PIAS1: variants seen among roughly 807,000 people sequenced by gnomAD.
The protein encoded by PIAS1 is E3 SUMO-protein ligase PIAS1.
A neutral mutation model predicts 71.3 loss-of-function variants in PIAS1; 6 were observed. The observed-to-expected ratio is 0.08, with a 90% CI of 0.05 to 0.17. The LOEUF is 0.17. Among genes scored for constraint, PIAS1 ranks in the 10% least tolerant of loss-of-function variants. The pLI is 1.00. For missense variants in PIAS1, 555 were observed against 793.6 expected (o/e 0.70, Z 3.61); for synonymous variants, 303 against 292.9 (o/e 1.03, Z -0.35).
chr15:68,121,255 G>GTTTTTTTTTTT (rs1036291171), intron 2 of PIAS1, among the ~76,000 whole-genome samples: 1 of 116,064 alleles, frequency 8.6e-6, no homozygotes. Flanking sequence ...CAGTTGACAT[G>GTTTTTTTTTTT]TTTTTTTGTT....
chr15:68,065,804 G>C (rs949091781), intron 1 of PIAS1, among the ~76,000 whole-genome samples: 2 of 126,988 alleles, frequency 1.6e-5, no homozygotes, highest in African/African-American at 6.1e-5. Context: ...GCAGTGGTAT[G>C]ATCATGGCTC....
intron 2 of PIAS1, among the ~76,000 whole-genome samples, chr15:68,095,508 A>C (rs2092366882): frequency 6.6e-6 from 1 of 151,700 alleles, no homozygotes; most frequent in South Asian, 2.1e-4. Flanking sequence ...GGGTGTTTGG[A>C]AAATAATTTT....
Position 68,142,041 on chromosome 15 carries a change from G to T in PIAS1, c.554+11G>T, listed in dbSNP as rs117588299. On this transcript the variant is annotated intron_variant, in intron 3 of 13. Coordinates refer to ENST00000249636, the MANE Select transcript of PIAS1 (RefSeq NM_016166.3). Reference sequence around the variant, plus strand: ...AATCAGTAGTTCCATGTAAGTTGTCGTCAAGTGTAACTTGAAGTTTGACCT... The same window carrying T: ...AATCAGTAGTTCCATGTAAGTTGTCTTCAAGTGTAACTTGAAGTTTGACCT... 16 of 1,568,340 alleles carry T rather than the reference G, an allele frequency of 1.0e-5. No individual in the cohort carries two copies. Among genetic ancestry groups the T allele is most frequent in the Admixed American group, 7.0e-5 (4 of 56,756 alleles).
rs540569449 is a variant in PIAS1 at position 68,100,937 on chromosome 15, C to T, written c.469+14187C>T. On this transcript the variant is annotated intron_variant, in intron 2 of 13. Coordinates refer to ENST00000249636, the MANE Select transcript of PIAS1 (RefSeq NM_016166.3). ...TTGAGATAAGGTCTCGCTCTGTCAC[C>T]CAGGGTGGAGGGCAGTGGCATGATC... Among the ~76,000 whole-genome samples, 5 of 151,684 alleles carry T rather than the reference C, an allele frequency of 3.3e-5. No individual in the cohort carries two copies. The South Asian group carries it at 1.0e-3, about 31-fold the overall frequency.
intron 7 of PIAS1, among the ~76,000 whole-genome samples, chr15:68,155,765 C>T (rs1049716544): frequency 6.6e-6 from 1 of 151,986 alleles, no homozygotes; most frequent in African/African-American, 2.4e-5. Context: ...TAGAGTTGTC[C>T]CCTCACAACT....
chr15:68,098,606 A>G (rs2092397680), intron 2 of PIAS1, among the ~76,000 whole-genome samples: 3 of 152,224 alleles, frequency 2.0e-5, no homozygotes, highest in Non-Finnish European at 4.4e-5. Flanking sequence ...AGGGTTTGCA[A>G]TGAAAAGGAA....
At chr15:68,056,305 C>T (rs369304551) in intron 1 of PIAS1, among the ~76,000 whole-genome samples, 1 of 152,328 alleles carries the variant, frequency 6.6e-6, no homozygotes, top group South Asian at 2.1e-4. Context: ...AAAGCACATG[C>T]TGAGAGATTT....
intron 7 of PIAS1, among the ~76,000 whole-genome samples, chr15:68,156,016 C>T (rs988594967): frequency 5.3e-5 from 8 of 152,152 alleles, no homozygotes; most frequent in Admixed American, 2.6e-4. Context: ...GCCCAGTCCT[C>T]GCTTTATTTT....
rs754863546 is a variant in PIAS1, at chr15:68,176,602, G to T, written c.1429G>T (p.Ala477Ser). The T allele has an allele frequency of 1.2e-6, 2 of 1,612,540 alleles. No individual in the cohort carries two copies. The highest frequency in any genetic ancestry group is 1.3e-5 in the African/African-American group (1 of 74,834). Residue 477 changes from alanine (A) to serine (S), a missense_variant, in exon 11 of 14, where the codon GCC becomes TCC. Ala to Ser is a moderately conservative substitution (Grantham distance 99). Transcript: ENST00000249636. ...SSDEEEEEPS[A>S]KRTCPSLSPT... ...TGATGAAGAGGAAGAAGAGCCATCT[G>T]CCAAGAGGACCTGTCCTTCCCTATC...
chr15:68,093,968 T>G (rs1412161510), intron 2 of PIAS1, among the ~76,000 whole-genome samples: 1 of 152,174 alleles, frequency 6.6e-6, no homozygotes, highest in Non-Finnish European at 1.5e-5. Context: ...TCTGAAACAT[T>G]GAGAAACACT....
Position 68,175,720 on chromosome 15 carries a change from CA to C in PIAS1, c.1259del (p.Lys420ArgfsTer17). The C allele has an allele frequency of 1.2e-6, 2 of 1,605,844 alleles. No individual in the cohort carries two copies. The highest frequency in any genetic ancestry group is 1.1e-5 in the South Asian group (1 of 89,756). Reference sequence around the variant, plus strand: ...GATGGCACTTGGGCACCGATGAGATCAAAAAAGGAAGTACAGGAAGTTTCTG... The same window carrying C: ...GATGGCACTTGGGCACCGATGAGATCAAAAAGGAAGTACAGGAAGTTTCTG... The part of the protein sequence containing the change: ...KEDGTWAPMR[S>X]KKEVQEVSAS... On this transcript the variant is annotated frameshift_variant, in exon 10 of 14. Transcript: ENST00000249636. LOFTEE classifies it high-confidence loss of function.
chr15:68,057,580 T>C (rs79833223), intron 1 of PIAS1: 6,801 of 389,130 alleles, frequency 0.017, 182 homozygotes, highest in African/African-American at 0.078. Flanking sequence ...ACTATGAGTG[T>C]GTCAGTGAAT....
At chr15:68,164,664 A>G (rs1466787472) in intron 7 of PIAS1, 67 bp from the exon 8 acceptor site, 3 of 807,604 alleles carry the variant, frequency 3.7e-6, no homozygotes, top group Non-Finnish European at 6.2e-6. Context: ...CTTTATAGTA[A>G]TGCTCCAGTA....
At chr15:68,113,095 T>C (rs981788111) in intron 2 of PIAS1, among the ~76,000 whole-genome samples, 8 of 152,202 alleles carry the variant, frequency 5.3e-5, no homozygotes, top group Non-Finnish European at 1.2e-4. Context: ...AAGTTGCCAT[T>C]AAAGATATGT....
chr15:68,078,001 G>C (rs945483207), intron 1 of PIAS1, among the ~76,000 whole-genome samples: 1 of 152,122 alleles, frequency 6.6e-6, no homozygotes, highest in Non-Finnish European at 1.5e-5. Flanking sequence ...CTCAGATAGG[G>C]TATACTGTTC....
chr15:68,127,963 C>T (rs1352639453), intron 2 of PIAS1, among the ~76,000 whole-genome samples: 1 of 152,036 alleles, frequency 6.6e-6, no homozygotes. Context: ...TGGGGTTTCA[C>T]CATGTCAGCC....
At chr15:68,153,528 T>G in intron 6 of PIAS1, 62 bp from the exon 7 acceptor site, 1 of 742,216 alleles carries the variant, frequency 1.3e-6, no homozygotes, top group South Asian at 1.7e-5. Flanking sequence ...CATGGTGAGA[T>G]TAAAATAGAT....
At chr15:68,131,248 ATATT>A (rs1189043901) in intron 2 of PIAS1, among the ~76,000 whole-genome samples, 3 of 152,194 alleles carry the variant, frequency 2.0e-5, no homozygotes, top group Non-Finnish European at 4.4e-5. Flanking sequence ...AGACAGCTTT[ATATT>A]TATTTATTGA....
intron 11 of PIAS1, among the ~76,000 whole-genome samples, chr15:68,179,824 C>T (rs1236776834): frequency 1.3e-5 from 2 of 151,688 alleles, no homozygotes; most frequent in African/African-American, 2.4e-5. Flanking sequence ...GTGATCCATG[C>T]GCCTTGGCCT....
Sources: gnomAD v4.1 joint callset for allele counts (sites outside exome capture counted in the v4.1 genomes callset) on GRCh38, gnomAD v4.1.1 for gene constraint, MANE v1.5 for transcripts, NCBI Gene and HGNC (gene_info 2026-07-23, HGNC 2026-07-21) for gene names.